Variants in CACNG2 observed in about 807,000 individuals in gnomAD.
CACNG2 encodes the protein voltage-dependent calcium channel gamma-2 subunit.
In CACNG2, 3 loss-of-function variants were observed where a neutral mutation model predicts 25.9. The ratio of observed to expected loss-of-function variants is 0.12; its 90% CI spans 0.05 to 0.30. The LOEUF is 0.30. CACNG2 is among the 10% of genes least tolerant of loss of function. The pLI is 1.00. For synonymous variants in CACNG2, 167 were observed against 173.3 expected, an observed-to-expected ratio of 0.96 and a Z score of 0.29; for missense variants, 341 against 432.5, an observed-to-expected ratio of 0.79 and a Z score of 1.88.
At chr22:36,653,849 A>G (rs1936660053) in intron 1 of CACNG2, among the ~76,000 whole-genome samples, 1 of 152,036 alleles carries the variant, frequency 6.6e-6, no homozygotes, top group Non-Finnish European at 1.5e-5. Flanking sequence ...TTGATGGTGT[A>G]AGACCTCCAG....
At chr22:36,587,288 C>A (rs1262043324) in intron 2 of CACNG2, among the ~76,000 whole-genome samples, 177 bp downstream of exon 2, 1 of 152,092 alleles carries the variant, frequency 6.6e-6, no homozygotes, top group African/African-American at 2.4e-5. Flanking sequence ...AAGGGCATTG[C>A]AGGCAGAGGG....
chr22:36,586,793 G>A (rs779915834), intron 2 of CACNG2, among the ~76,000 whole-genome samples: 1 of 152,150 alleles, frequency 6.6e-6, no homozygotes, highest in Non-Finnish European at 1.5e-5. Context: ...CCTTTCTCAG[G>A]GAATAGGTAG....
intron 1 of CACNG2, among the ~76,000 whole-genome samples, chr22:36,587,965 G>T (rs1428478257): frequency 2.0e-5 from 3 of 152,208 alleles, no homozygotes; most frequent in African/African-American, 7.2e-5. Context: ...TTCTAAAGGG[G>T]ACACACCCCG....
chr22:36,637,898 T>A (rs920099486), intron 1 of CACNG2, among the ~76,000 whole-genome samples: 5 of 152,052 alleles, frequency 3.3e-5, no homozygotes, highest in Non-Finnish European at 5.9e-5. Flanking sequence ...GGCAGACACC[T>A]GTAGTCCCAG....
chr22:36,563,672 C>T lies in CACNG2; in HGVS notation c.*679G>A, dbSNP rs1308847276. Among the ~76,000 whole-genome samples the T allele has an allele frequency of 6.6e-6, 1 of 152,000 alleles. No homozygotes were observed. Among genetic ancestry groups the T allele is most frequent in the African/African-American group, 2.4e-5 (1 of 41,402 alleles). On this transcript the variant is annotated 3_prime_UTR_variant, in exon 4 of 4. Coordinates refer to ENST00000300105, the MANE Select transcript of CACNG2 (RefSeq NM_006078.5). Reference sequence around the variant, plus strand: ...CCATCAATGCTGGGCGGAGCCGGCTCGAGCTCTGAGCCTTCCTGGAGTTCC... The same window carrying T: ...CCATCAATGCTGGGCGGAGCCGGCTTGAGCTCTGAGCCTTCCTGGAGTTCC...
intron 3 of CACNG2, among the ~76,000 whole-genome samples, 174 bp from the exon 4 acceptor site, chr22:36,565,060 A>G (rs559440583): frequency 7.2e-5 from 11 of 152,316 alleles, no homozygotes; most frequent in African/African-American, 2.6e-4. Flanking sequence ...CTTCCCCTTA[A>G]CATTTTATCT....
intron 1 of CACNG2, among the ~76,000 whole-genome samples, chr22:36,596,312 G>A (rs1339131658): frequency 6.6e-6 from 1 of 152,186 alleles, no homozygotes; most frequent in Non-Finnish European, 1.5e-5. Context: ...AGGGAGGGTG[G>A]GCCATGCCTG....
intron 1 of CACNG2, among the ~76,000 whole-genome samples, chr22:36,695,502 C>G (rs1937327475): frequency 6.7e-6 from 1 of 149,526 alleles, no homozygotes; most frequent in Non-Finnish European, 1.5e-5. Context: ...ACCCCCACCC[C>G]TCTCAGTTTC....
Position 36,684,934 on chromosome 22 carries a change from G to C in CACNG2, c.211+17432C>G, listed in dbSNP as rs115262906. Among the ~76,000 whole-genome samples the C allele has an allele frequency of 6.9e-3, 1,049 of 152,242 alleles. 9 individuals are homozygous for C. The highest frequency in any genetic ancestry group is 0.023 in the African/African-American group (975 of 41,552). ...CTGGATCGCGCTGCCCAATCAATCC[G>C]GGAAGAAAGTAGGGCAGGAAGTGGT... On this transcript the variant is annotated intron_variant, in intron 1 of 3. Coordinates refer to ENST00000300105, the MANE Select transcript of CACNG2 (RefSeq NM_006078.5).
In CACNG2 at chr22:36,564,525, C is replaced by G. The variant is rs748221864; in HGVS notation, c.798G>C (p.Thr266=). The G allele has an allele frequency of 1.9e-6, 3 of 1,613,938 alleles. No homozygotes were observed. The highest frequency in any genetic ancestry group is 2.5e-6 in the Non-Finnish European group (3 of 1,179,988). The change falls in exon 4 of 4, where the codon ACG becomes ACC. Residue 266 remains threonine, a synonymous_variant. Coordinates refer to ENST00000300105, the MANE Select transcript of CACNG2 (RefSeq NM_006078.5). The surrounding 1 kb of genome is among the most constrained non-coding windows in gnomAD (Gnocchi z 6.7). ...GIKGFNTLPS[T]EISMYTLSRD... The stretch of plus-strand genomic sequence containing the variant: ...TGCTGAGCGTGTACATGGAGATCTC[C>G]GTGGACGGCAGGGTGTTGAAGCCCT...
intron 1 of CACNG2, among the ~76,000 whole-genome samples, chr22:36,625,172 T>C (rs1936167055): frequency 1.3e-5 from 2 of 152,138 alleles, no homozygotes; most frequent in South Asian, 2.1e-4. Flanking sequence ...GGCAGGGGAA[T>C]GCAGGACGTT....
At chr22:36,664,422 C>T (rs1161476341) in intron 1 of CACNG2, among the ~76,000 whole-genome samples, 2 of 152,210 alleles carry the variant, frequency 1.3e-5, no homozygotes, top group Non-Finnish European at 2.9e-5. Context: ...CTAAAGCTTA[C>T]GCTCATTCCA....
chr22:36,564,196 T>G lies in CACNG2; in HGVS notation c.*155A>C. 1 of 579,394 alleles carries G rather than the reference T, an allele frequency of 1.7e-6. No homozygotes were observed. The highest frequency in any genetic ancestry group is 2.9e-6 in the Non-Finnish European group (1 of 343,508). The allele number at this position is 579,394 out of a possible 1,614,324, so 35.9% of individuals were successfully genotyped here. A position where few individuals can be genotyped will look rare whatever the true frequency, so the allele number is the denominator to read the frequency against. On this transcript the variant is annotated 3_prime_UTR_variant, in exon 4 of 4. Transcript: ENST00000300105. The surrounding 1 kb of genome is among the most constrained non-coding windows in gnomAD (Gnocchi z 6.7). ...GTTATGTTTTTTCTCTTTTTTTGTG[T>G]GTGTGTGTTTTTTTGTTTTTTGTTT...
intron 1 of CACNG2, among the ~76,000 whole-genome samples, chr22:36,641,006 A>G (rs1448803948): frequency 6.6e-6 from 1 of 151,422 alleles, no homozygotes; most frequent in Non-Finnish European, 1.5e-5. Flanking sequence ...GACCTGGAGT[A>G]CTCCCCACCG....
intron 2 of CACNG2, chr22:36,585,327 G>A (rs377619911): frequency 2.0e-5 from 3 of 152,308 alleles, no homozygotes; most frequent in East Asian, 3.9e-4. Context: ...TCAGAAGCGG[G>A]GGTAGGGACT....
intron 1 of CACNG2, among the ~76,000 whole-genome samples, chr22:36,701,300 T>C (rs1937408586): frequency 6.6e-6 from 1 of 152,302 alleles, no homozygotes; most frequent in Non-Finnish European, 1.5e-5. Context: ...GCCATTCAAA[T>C]GCAGTCCCTC....
intron 1 of CACNG2, among the ~76,000 whole-genome samples, chr22:36,617,370 G>C (rs946343330): frequency 1.3e-5 from 2 of 152,072 alleles, no homozygotes; most frequent in Admixed American, 1.3e-4. Context: ...TAAAAGCATT[G>C]TATCAGTCAT....
In CACNG2 at chr22:36,561,021, G is replaced by A. The variant is rs1935018763; in HGVS notation, c.*3330C>T. ...TTAGTTTCTTGAACTGGTCTGAGCT[G>A]GACATGAGCAATCATCCACACCCCT... On this transcript the variant is annotated 3_prime_UTR_variant, in exon 4 of 4. Transcript: ENST00000300105. 6.7e-6 allele frequency: 1 copy of A among 150,124 alleles called. No homozygotes were observed. Among genetic ancestry groups the A allele is most frequent in the African/African-American group, 2.5e-5 (1 of 40,644 alleles). The allele number at this position is 150,124 out of a possible 1,614,324, so 9.3% of individuals were successfully genotyped here.
intron 1 of CACNG2, among the ~76,000 whole-genome samples, chr22:36,602,867 C>A (rs1187368584): frequency 4.6e-5 from 7 of 151,968 alleles, no homozygotes; most frequent in Non-Finnish European, 1.5e-5. Context: ...CTCCCCCTCT[C>A]CTTGGACCCC....
Sources: gnomAD v4.1 joint callset for allele counts (sites outside exome capture counted in the v4.1 genomes callset) on GRCh38, gnomAD v4.1.1 for gene constraint, Gnocchi (gnomAD v3.1) non-coding constraint, MANE v1.5 for transcripts, NCBI Gene and HGNC (gene_info 2026-07-23, HGNC 2026-07-21) for gene names.